The following SLC39A12 variants were observed in gnomAD, a reference collection of about 807,000 sequenced individuals.
The protein encoded by SLC39A12 is zinc transporter ZIP12.
In SLC39A12, 63 loss-of-function variants were observed where a neutral mutation model predicts 71.1. The ratio of observed to expected loss-of-function variants is 0.89; its 90% CI spans 0.72 to 1.09. The LOEUF (loss-of-function observed/expected upper bound fraction) is 1.09, where lower values mean the gene tolerates loss of function less well. Ranked by LOEUF, SLC39A12 falls within the 50% of genes least tolerant of loss-of-function variation. The pLI is 0.00. For synonymous variants in SLC39A12, 351 were observed against 301.3 expected (o/e 1.16, Z -1.71); for missense variants, 892 against 812.6 (o/e 1.10, Z -1.19).
chr10:17,993,341 T>G, intron 9 of SLC39A12, 50 bp downstream of exon 9: 2 of 1,223,236 alleles, frequency 1.6e-6, no homozygotes, highest in East Asian at 5.1e-5. Context: ...CTTCTCTCCT[T>G]TATTCCTCAA....
At chr10:18,038,538 T>A (rs1837128389) in intron 12 of SLC39A12, among the ~76,000 whole-genome samples, 1 of 152,092 alleles carries the variant, frequency 6.6e-6, no homozygotes, top group Non-Finnish European at 1.5e-5. Context: ...TAATCCCAGC[T>A]ACTTCAGAGG....
intron 10 of SLC39A12, among the ~76,000 whole-genome samples, 155 bp from the exon 11 acceptor site, chr10:18,000,512 C>T (rs563714756): frequency 6.6e-6 from 1 of 152,298 alleles, no homozygotes; most frequent in Non-Finnish European, 1.5e-5. Flanking sequence ...ACTTGAATCT[C>T]TAGTCCTGAC....
intron 12 of SLC39A12, among the ~76,000 whole-genome samples, chr10:18,026,185 T>C (rs1283866081): frequency 6.6e-6 from 1 of 152,210 alleles, no homozygotes; most frequent in Non-Finnish European, 1.5e-5. Context: ...TTTTGACCAG[T>C]ATCCTTTCCC....
In SLC39A12 at chr10:17,978,058, C is replaced by G; in HGVS notation, c.908C>G (p.Pro303Arg). The part of the protein sequence containing the change: ...SSMEKESEDG[P>R]VSWDQTCFSA... ...ATGGAAAAAGAGTCTGAGGATGGTC[C>G]AGTTTCCTGGGATCAGGTATTGCCA... Residue 303 changes from proline (P) to arginine (R), a missense_variant, in exon 5 of 13, where the codon CCA (proline) becomes CGA (arginine). Coordinates refer to ENST00000377369, the MANE Select transcript of SLC39A12 (RefSeq NM_001145195.2). 6.3e-7 allele frequency: 1 copy of G among 1,597,096 alleles called. No homozygotes were observed. The highest frequency in any genetic ancestry group is 8.5e-7 in the Non-Finnish European group (1 of 1,173,762).
chr10:18,003,095 G>C, intron 11 of SLC39A12, 76 bp from the exon 12 acceptor site: 1 of 1,369,206 alleles, frequency 7.3e-7, no homozygotes, highest in Non-Finnish European at 1.0e-6. Flanking sequence ...ATTCGAAATA[G>C]CTAATAGTGC....
intron 9 of SLC39A12, among the ~76,000 whole-genome samples, chr10:17,995,321 A>G (rs1427678783): frequency 6.6e-6 from 1 of 152,212 alleles, no homozygotes; most frequent in Non-Finnish European, 1.5e-5. Context: ...TTAGGCCAAG[A>G]ATAATTTTTT....
intron 2 of SLC39A12, among the ~76,000 whole-genome samples, chr10:17,955,074 C>T (rs1218967196): frequency 2.6e-5 from 4 of 152,142 alleles, no homozygotes; most frequent in African/African-American, 9.7e-5. Flanking sequence ...TATTCATGTC[C>T]TCTGAGGATT....
intron 12 of SLC39A12, among the ~76,000 whole-genome samples, chr10:18,041,580 A>G (rs1837229442): frequency 7.3e-6 from 1 of 137,442 alleles, no homozygotes; most frequent in Admixed American, 7.6e-5. Flanking sequence ...ACACACATAC[A>G]TACACACACC....
chr10:18,026,893 T>A (rs1431003081), intron 12 of SLC39A12, among the ~76,000 whole-genome samples: 4 of 152,222 alleles, frequency 2.6e-5, no homozygotes, highest in African/African-American at 9.6e-5. Context: ...TTTCCATTTT[T>A]CTGCTTACAT....
At chr10:17,973,602 C>T (rs1835029588) in intron 4 of SLC39A12, among the ~76,000 whole-genome samples, 2 of 152,168 alleles carry the variant, frequency 1.3e-5, no homozygotes, top group Admixed American at 1.3e-4. Context: ...AGTCTGCTGT[C>T]AGACATGTTG....
chr10:17,953,454 C>T lies in SLC39A12; in HGVS notation c.178C>T (p.His60Tyr), dbSNP rs782328046. The T allele has an allele frequency of 6.2e-7, 1 of 1,614,228 alleles. No individual in the cohort carries two copies. The highest frequency in any genetic ancestry group is 8.5e-7 in the Non-Finnish European group (1 of 1,180,044). The change falls in exon 2 of 13, where the codon CAC (histidine) becomes TAC (tyrosine). Residue 60 changes from histidine (H) to tyrosine (Y), a missense_variant. Transcript: ENST00000377369. ...TGCTGGTGACCACCCACCCCACAACCACTCAAGAAGCCTCATCAAAACATT... is the reference window on the plus strand; with the variant it reads ...TGCTGGTGACCACCCACCCCACAACTACTCAAGAAGCCTCATCAAAACATT... ...LSAGDHPPHN[H>Y]SRSLIKTLLE...
intron 3 of SLC39A12, among the ~76,000 whole-genome samples, chr10:17,962,642 G>A (rs1279927987): frequency 6.6e-6 from 1 of 151,434 alleles, no homozygotes; most frequent in Non-Finnish European, 1.5e-5. Context: ...TCATAAACAT[G>A]TATAGACAAA....
intron 2 of SLC39A12, among the ~76,000 whole-genome samples, chr10:17,956,495 G>C (rs1236757300): frequency 6.6e-6 from 1 of 152,178 alleles, no homozygotes; most frequent in Non-Finnish European, 1.5e-5. Context: ...AGATCTCTCA[G>C]GATCTCATGG....
intron 12 of SLC39A12, among the ~76,000 whole-genome samples, chr10:18,003,705 TA>T (rs950842536): frequency 2.0e-5 from 3 of 152,204 alleles, no homozygotes; most frequent in African/African-American, 7.2e-5. Context: ...TTTGTACCTA[TA>T]TATGATGCCT....
intron 1 of SLC39A12, among the ~76,000 whole-genome samples, 192 bp downstream of exon 1, chr10:17,952,217 G>A (rs1345318162): frequency 6.6e-6 from 1 of 152,014 alleles, no homozygotes; most frequent in African/African-American, 2.4e-5. Flanking sequence ...CATTTTACAT[G>A]CCTTAAGCCA....
At chr10:18,036,788 A>ATTTTTTT (rs1319675306) in intron 12 of SLC39A12, among the ~76,000 whole-genome samples, 15 of 17,002 alleles carry the variant, frequency 8.8e-4, no homozygotes, top group African/African-American at 2.5e-3. Flanking sequence ...ATATATATAT[A>ATTTTTTT]TATATATTTT....
intron 2 of SLC39A12, among the ~76,000 whole-genome samples, chr10:17,960,413 G>A (rs1834658257): frequency 6.6e-6 from 1 of 152,124 alleles, no homozygotes; most frequent in Non-Finnish European, 1.5e-5. Context: ...TGCTACAGTG[G>A]CATATTTTGG....
intron 10 of SLC39A12, among the ~76,000 whole-genome samples, chr10:17,998,192 T>C (rs1436773064): frequency 4.6e-5 from 7 of 152,192 alleles, no homozygotes; most frequent in Non-Finnish European, 1.5e-5. Flanking sequence ...ATGCAAATGT[T>C]TATATTTGCC....
chr10:17,962,580 A>C (rs1834719896), intron 3 of SLC39A12, among the ~76,000 whole-genome samples: 1 of 151,860 alleles, frequency 6.6e-6, no homozygotes, highest in Admixed American at 6.6e-5. Flanking sequence ...TTAATTGAGA[A>C]GCCATTACTA....
Sources: gnomAD v4.1 joint callset for allele counts (sites outside exome capture counted in the v4.1 genomes callset) on GRCh38, gnomAD v4.1.1 for gene constraint, MANE v1.5 for transcripts, NCBI Gene and HGNC (gene_info 2026-07-23, HGNC 2026-07-21) for gene names.